The following NRXN3 variants were observed in gnomAD, a reference collection of about 807,000 sequenced individuals.
NRXN3 encodes the protein neurexin III.
NRXN3 carries 32 observed loss-of-function variants against 137.6 expected under a neutral mutation model. That is an observed-to-expected ratio of 0.23 (90% CI 0.18 to 0.31). NRXN3 has a LOEUF of 0.31. NRXN3 is among the 10% of genes least tolerant of loss of function. The pLI, the probability that NRXN3 is intolerant of heterozygous loss-of-function variation, is 1.00. For synonymous variants in NRXN3, 798 were observed against 784.5 expected, an observed-to-expected ratio of 1.02 and a Z score of -0.29; for missense variants, 1,574 against 2,062.5, an observed-to-expected ratio of 0.76 and a Z score of 4.59.
chr14:79,037,758 G>A (rs568856636), intron 15 of NRXN3, among the ~76,000 whole-genome samples: 3 of 152,136 alleles, frequency 2.0e-5, no homozygotes, highest in South Asian at 2.1e-4. Flanking sequence ...AATTCAGTCC[G>A]CCTGACGGGA....
intron 15 of NRXN3, among the ~76,000 whole-genome samples, chr14:79,268,492 T>G (rs2078786109): frequency 6.6e-6 from 1 of 152,178 alleles, no homozygotes; most frequent in Admixed American, 6.5e-5. Flanking sequence ...GGGCAACCTA[T>G]CAGTTCAGCA....
At chr14:78,284,367 C>T (rs1209944822) in intron 3 of NRXN3, among the ~76,000 whole-genome samples, 2 of 152,166 alleles carry the variant, frequency 1.3e-5, no homozygotes, top group Admixed American at 1.3e-4. Flanking sequence ...AACCAATGTA[C>T]TTCTTACATA....
chr14:78,205,548 A>G (rs2062102864), intron 1 of NRXN3, among the ~76,000 whole-genome samples: 1 of 152,238 alleles, frequency 6.6e-6, no homozygotes, highest in Non-Finnish European at 1.5e-5. Flanking sequence ...AAGATCAAAA[A>G]GTTGATTGTG....
At chr14:79,812,851 A>T (rs1189724624) in intron 20 of NRXN3, among the ~76,000 whole-genome samples, 1 of 152,272 alleles carries the variant, frequency 6.6e-6, no homozygotes, top group Non-Finnish European at 1.5e-5. Context: ...AGTGGTACAT[A>T]AGGAGTGAGC....
intron 2 of NRXN3, among the ~76,000 whole-genome samples, chr14:78,247,587 G>A (rs77714242): frequency 0.16 from 24,629 of 152,158 alleles, 2,319 homozygotes; most frequent in Middle Eastern, 0.23. Context: ...TTGCCTTTTC[G>A]GTGGTGATTT....
At chr14:78,607,896 T>C (rs1708442669) in intron 4 of NRXN3, among the ~76,000 whole-genome samples, 1 of 152,104 alleles carries the variant, frequency 6.6e-6, no homozygotes, top group African/African-American at 2.4e-5. Context: ...AAGAGTTGAC[T>C]GGTAGGAACA....
chr14:79,789,623 C>T (rs1200535689), intron 19 of NRXN3, among the ~76,000 whole-genome samples: 2 of 152,074 alleles, frequency 1.3e-5, no homozygotes, highest in East Asian at 3.9e-4. Context: ...TACTCTTGTC[C>T]CTTGATGATA....
intron 10 of NRXN3, among the ~76,000 whole-genome samples, chr14:78,929,073 G>GT (rs1006083750): frequency 6.6e-6 from 1 of 152,072 alleles, no homozygotes; most frequent in African/African-American, 2.4e-5. Context: ...TTTTTCATGT[G>GT]TTTTTTGGCT....
chr14:79,565,955 C>T (rs920402221), intron 16 of NRXN3, among the ~76,000 whole-genome samples: 6 of 152,084 alleles, frequency 3.9e-5, no homozygotes, highest in Admixed American at 3.9e-4. Context: ...CACCCAAGAA[C>T]AGGCACAGAA....
intron 15 of NRXN3, among the ~76,000 whole-genome samples, chr14:79,054,264 A>G (rs1278905222): frequency 1.3e-5 from 2 of 152,040 alleles, no homozygotes; most frequent in African/African-American, 4.8e-5. Context: ...TACATATGTA[A>G]GAAACCTGCA....
intron 16 of NRXN3, among the ~76,000 whole-genome samples, chr14:79,487,466 G>A (rs1601038926): frequency 6.6e-6 from 1 of 152,098 alleles, no homozygotes; most frequent in East Asian, 1.9e-4. Flanking sequence ...CCAATTCAGT[G>A]TCTCGTATCA....
chr14:78,465,784 C>T (rs931615049), intron 4 of NRXN3, among the ~76,000 whole-genome samples: 1 of 152,008 alleles, frequency 6.6e-6, no homozygotes, highest in Non-Finnish European at 1.5e-5. Context: ...CTGCCCGCCT[C>T]GGCTTCCCAA....
chr14:78,527,857 C>T (rs1305571965), intron 4 of NRXN3, among the ~76,000 whole-genome samples: 2 of 152,152 alleles, frequency 1.3e-5, no homozygotes, highest in Non-Finnish European at 2.9e-5. Context: ...TCCTTATTTT[C>T]TTCTTAAAAA....
chr14:79,474,153 G>C (rs2096539333), intron 16 of NRXN3, among the ~76,000 whole-genome samples: 1 of 152,146 alleles, frequency 6.6e-6, no homozygotes, highest in African/African-American at 2.4e-5. Context: ...CTGTCAGTGA[G>C]CTATGTGACT....
chr14:78,459,401 T>C (rs560062576), intron 4 of NRXN3, among the ~76,000 whole-genome samples: 1 of 152,282 alleles, frequency 6.6e-6, no homozygotes, highest in East Asian at 1.9e-4. Context: ...AAAAGAGATG[T>C]TGGTTGAATG....
At chr14:79,148,050 A>T (rs2059456286) in intron 15 of NRXN3, among the ~76,000 whole-genome samples, 1 of 152,116 alleles carries the variant, frequency 6.6e-6, no homozygotes, top group Non-Finnish European at 1.5e-5. Context: ...TACGTATAAA[A>T]ATTCATGTAT....
At chr14:79,015,046 C>T (rs1402940259) in intron 15 of NRXN3, among the ~76,000 whole-genome samples, 1 of 152,108 alleles carries the variant, frequency 6.6e-6, no homozygotes, top group Non-Finnish European at 1.5e-5. Flanking sequence ...GAGATTTGCT[C>T]AGAGTGCGCC....
chr14:79,704,996 G>T, intron 19 of NRXN3, among the ~76,000 whole-genome samples: 1 of 152,136 alleles, frequency 6.6e-6, no homozygotes, highest in East Asian at 1.9e-4. Context: ...GATGGAACAG[G>T]TGCTTTCCAA....
chr14:78,930,060 T>C (rs970902813), intron 10 of NRXN3, among the ~76,000 whole-genome samples: 1 of 152,178 alleles, frequency 6.6e-6, no homozygotes, highest in Non-Finnish European at 1.5e-5. Context: ...TGAACAGCTG[T>C]AGATAACTGC....
Sources: gnomAD v4.1 joint callset for allele counts (sites outside exome capture counted in the v4.1 genomes callset) on GRCh38, gnomAD v4.1.1 for gene constraint, MANE v1.5 for transcripts, NCBI Gene and HGNC (gene_info 2026-07-23, HGNC 2026-07-21) for gene names.